KCNH8: variants seen among roughly 807,000 people sequenced by gnomAD.
The protein encoded by KCNH8 is voltage-gated delayed rectifier potassium channel KCNH8.
A neutral mutation model predicts 103.6 loss-of-function variants in KCNH8; 70 were observed. The observed-to-expected ratio is 0.68, with a 90% CI of 0.56 to 0.82. KCNH8 has a LOEUF of 0.82. Among genes scored for constraint, KCNH8 ranks in the 40% least tolerant of loss-of-function variants. The probability of loss-of-function intolerance (pLI) is 0.00; values close to 1 mark genes in which losing one functional copy is unlikely to be tolerated. For synonymous variants in KCNH8, 498 were observed against 489.4 expected, an observed-to-expected ratio of 1.02 and a Z score of -0.23; for missense variants, 1,217 against 1,329.9, an observed-to-expected ratio of 0.92 and a Z score of 1.32.
chr3:19,443,571 C>G (rs889147772), intron 8 of KCNH8, among the ~76,000 whole-genome samples: 10 of 151,244 alleles, frequency 6.6e-5, no homozygotes, highest in Non-Finnish European at 1.5e-4. Context: ...ATATTTAAAA[C>G]TATAAATCAG....
rs1467703882 is a variant in KCNH8, at chr3:19,289,853, C to T, written c.442+8524C>T. Among the ~76,000 whole-genome samples, 17 of 152,248 alleles carry T rather than the reference C, an allele frequency of 1.1e-4. No individual in the cohort carries two copies. The South Asian group carries it at 1.5e-3, about 13-fold the overall frequency. The stretch of plus-strand genomic sequence containing the variant: ...ACCTTGGGCAGTATGGCCATTTTCA[C>T]GATATTGATTCTTCCTACCCATGAG... On this transcript the variant is annotated intron_variant, in intron 3 of 15. Coordinates refer to ENST00000328405, the MANE Select transcript of KCNH8 (RefSeq NM_144633.3).
At chr3:19,474,198 T>A (rs79174795) in intron 11 of KCNH8, among the ~76,000 whole-genome samples, 6,901 of 152,244 alleles carry the variant, frequency 0.045, 369 homozygotes, top group East Asian at 0.26. Flanking sequence ...AAATTAAATT[T>A]AAATTTAAAA....
chr3:19,508,273 A>C (rs905435396), intron 11 of KCNH8, among the ~76,000 whole-genome samples: 2 of 152,178 alleles, frequency 1.3e-5, no homozygotes, highest in African/African-American at 4.8e-5. Flanking sequence ...CCGTCAGTAC[A>C]TTTGGTAAAA....
intron 15 of KCNH8, among the ~76,000 whole-genome samples, chr3:19,518,768 C>A (rs1392673674): frequency 6.6e-6 from 1 of 151,922 alleles, no homozygotes; most frequent in East Asian, 1.9e-4. Context: ...CCTTAGACAA[C>A]CACTTATCTA....
intron 1 of KCNH8, among the ~76,000 whole-genome samples, chr3:19,249,236 T>G (rs1306132771): frequency 6.6e-6 from 1 of 152,204 alleles, no homozygotes; most frequent in African/African-American, 2.4e-5. Flanking sequence ...TCATGTTTCT[T>G]CTTTAGGGAT....
chr3:19,442,312 C>T (rs570470254), intron 8 of KCNH8, among the ~76,000 whole-genome samples: 1 of 152,298 alleles, frequency 6.6e-6, no homozygotes, highest in Admixed American at 6.5e-5. Context: ...TTATTTAATA[C>T]TTGCCCATGT....
chr3:19,195,355 A>G (rs1317489975), intron 1 of KCNH8, among the ~76,000 whole-genome samples: 1 of 151,914 alleles, frequency 6.6e-6, no homozygotes, highest in African/African-American at 2.4e-5. Context: ...ATCACACAGC[A>G]GAACTTCTTG....
chr3:19,281,224 A>T lies in KCNH8; in HGVS notation c.337A>T (p.Ile113Phe), dbSNP rs1190050983. The part of the protein sequence containing the change: ...NGSPFWCLLD[I>F]VPIKNEKGDV... ...GTCTCCATTTTGGTGCCTACTGGATATTGTTCCCATAAAGAATGAAAAAGG... is the reference window on the plus strand; with the variant it reads ...GTCTCCATTTTGGTGCCTACTGGATTTTGTTCCCATAAAGAATGAAAAAGG... Residue 113 changes from isoleucine to phenylalanine, a missense_variant, in exon 3 of 16, where the codon ATT becomes TTT. Transcript: ENST00000328405. 6.2e-7 allele frequency: 1 copy of T among 1,611,058 alleles called. No homozygotes were observed. Among genetic ancestry groups the T allele is most frequent in the Non-Finnish European group, 8.5e-7 (1 of 1,178,336 alleles).
At chr3:19,423,989 G>A (rs1389392282) in intron 7 of KCNH8, among the ~76,000 whole-genome samples, 2 of 151,972 alleles carry the variant, frequency 1.3e-5, no homozygotes, top group Non-Finnish European at 2.9e-5. Context: ...CAGGAGTAAG[G>A]TGGTATCTCA....
At chr3:19,421,201 T>C (rs1308308420) in intron 7 of KCNH8, among the ~76,000 whole-genome samples, 1 of 152,182 alleles carries the variant, frequency 6.6e-6, no homozygotes, top group African/African-American at 2.4e-5. Flanking sequence ...TAAAATGCTC[T>C]ATTTCATGTA....
chr3:19,264,933 A>G (rs1375012431), intron 2 of KCNH8, among the ~76,000 whole-genome samples: 5 of 152,064 alleles, frequency 3.3e-5, no homozygotes, highest in African/African-American at 9.7e-5. Context: ...CTGAAATACT[A>G]AGTCATGCTC....
At chr3:19,395,964 G>A (rs2066510678) in intron 7 of KCNH8, among the ~76,000 whole-genome samples, 1 of 151,938 alleles carries the variant, frequency 6.6e-6, no homozygotes, top group Admixed American at 6.6e-5. Flanking sequence ...CTATGCACAT[G>A]AACACATTTT....
intron 1 of KCNH8, among the ~76,000 whole-genome samples, chr3:19,187,642 C>T (rs2063515474): frequency 6.6e-6 from 1 of 152,066 alleles, no homozygotes; most frequent in Non-Finnish European, 1.5e-5. Flanking sequence ...AAACAGATAG[C>T]TTTCCTTAAG....
chr3:19,283,881 T>C (rs2064791428), intron 3 of KCNH8, among the ~76,000 whole-genome samples: 1 of 150,520 alleles, frequency 6.6e-6, no homozygotes, highest in Non-Finnish European at 1.5e-5. Context: ...AGGTGAATGC[T>C]GCAGTGACTG....
chr3:19,194,368 G>T (rs1349591117), intron 1 of KCNH8, among the ~76,000 whole-genome samples: 2 of 151,196 alleles, frequency 1.3e-5, no homozygotes, highest in Non-Finnish European at 3.0e-5. Flanking sequence ...CTTTTTTATT[G>T]GTGAGGAAGT....
intron 5 of KCNH8, among the ~76,000 whole-genome samples, chr3:19,361,969 G>T (rs1429678430): frequency 2.0e-5 from 3 of 152,096 alleles, no homozygotes; most frequent in Non-Finnish European, 4.4e-5. Flanking sequence ...CGAAGCTAGA[G>T]CTAAAACCCT....
intron 7 of KCNH8, among the ~76,000 whole-genome samples, chr3:19,404,310 C>A (rs978161499): frequency 2.0e-5 from 3 of 151,896 alleles, no homozygotes; most frequent in Non-Finnish European, 4.4e-5. Flanking sequence ...TCTTCCTAGT[C>A]TCATTTTGGT....
chr3:19,409,995 C>G (rs2066752560), intron 7 of KCNH8, among the ~76,000 whole-genome samples: 1 of 152,010 alleles, frequency 6.6e-6, no homozygotes, highest in African/African-American at 2.4e-5. Context: ...AAATTCTGGA[C>G]TTAAACTCAG....
rs745748612 is a variant in KCNH8, at chr3:19,282,451, A to G, written c.442+1122A>G. 3.2e-3 allele frequency among the ~76,000 whole-genome samples: 480 copies of G among 152,312 alleles called. 2 individuals carry two copies. Among genetic ancestry groups the G allele is most frequent in the Middle Eastern group, 0.01 (3 of 290 alleles). ...TTGCTTTTAATATTTTCTTTGTAAG[A>G]TAGAAACACAAAAGGTAAGGATCCT... On this transcript the variant is annotated intron_variant, in intron 3 of 15. Transcript: ENST00000328405.
Sources: allele counts gnomAD v4.1 joint callset (sites outside exome capture counted in the v4.1 genomes callset), GRCh38; gene constraint gnomAD v4.1.1; transcripts MANE v1.5; gene names NCBI Gene and HGNC (gene_info 2026-07-23, HGNC 2026-07-21).